Variants in ABI3BP observed in about 807,000 individuals in gnomAD.
The protein encoded by ABI3BP is target of Nesh-SH3.
Under a neutral mutation model 268.6 loss-of-function variants are expected in ABI3BP, and 216 were observed. That is an observed-to-expected ratio of 0.80 (90% CI 0.72 to 0.90). The LOEUF (loss-of-function observed/expected upper bound fraction) is 0.90, where lower values mean the gene tolerates loss of function less well. ABI3BP is among the 40% of genes least tolerant of loss of function. The pLI, the probability that ABI3BP is intolerant of heterozygous loss-of-function variation, is 0.00. For synonymous variants in ABI3BP, 730 were observed against 730.0 expected, an observed-to-expected ratio of 1.00 and a Z score of 0.00; for missense variants, 2,090 against 2,182.4, an observed-to-expected ratio of 0.96 and a Z score of 0.84.
At chr3:100,982,120 A>T (rs1407639724) in intron 1 of ABI3BP, among the ~76,000 whole-genome samples, 1 of 152,106 alleles carries the variant, frequency 6.6e-6, no homozygotes, top group Non-Finnish European at 1.5e-5. Flanking sequence ...AGGAAAAACT[A>T]CCATTTATAA....
intron 13 of ABI3BP, 141 bp downstream of exon 13, chr3:100,862,696 TA>T (rs563205486): frequency 2.4e-4 from 152 of 633,450 alleles, no homozygotes; most frequent in South Asian, 5.9e-4. Context: ...ATAGATTTAT[TA>T]AAAAAAAATC....
At chr3:100,931,680 C>G (rs190678706) in intron 1 of ABI3BP, among the ~76,000 whole-genome samples, 1 of 151,792 alleles carries the variant, frequency 6.6e-6, no homozygotes, top group South Asian at 2.1e-4. Context: ...ACAAGAATTA[C>G]GAAACACTGC....
At chr3:100,843,343 C>T (rs146955580) in intron 20 of ABI3BP, among the ~76,000 whole-genome samples, 3 of 151,840 alleles carry the variant, frequency 2.0e-5, no homozygotes, top group African/African-American at 7.3e-5. Flanking sequence ...AACAGATGAA[C>T]GGCAAAAGCA....
At chr3:100,932,244 A>C (rs9826284) in intron 1 of ABI3BP, among the ~76,000 whole-genome samples, 19,679 of 152,052 alleles carry the variant, frequency 0.13, 1,455 homozygotes, top group Middle Eastern at 0.19. Flanking sequence ...TAAAACTATA[A>C]AAACCTCAGA....
intron 36 of ABI3BP, 123 bp from the exon 37 acceptor site, chr3:100,823,637 C>G: frequency 2.8e-6 from 2 of 711,988 alleles, no homozygotes; most frequent in African/African-American, 1.8e-5. Flanking sequence ...AAATTAACTT[C>G]TTAACTGAAG....
chr3:100,914,867 C>T (rs1328168788), intron 2 of ABI3BP, among the ~76,000 whole-genome samples: 1 of 152,122 alleles, frequency 6.6e-6, no homozygotes, highest in African/African-American at 2.4e-5. Flanking sequence ...TAAAGACAGT[C>T]CTTTGAGGAA....
rs73861215 is a variant in ABI3BP at position 100,798,943 on chromosome 3, C to A, written c.3758-2475G>T. Among the ~76,000 whole-genome samples, 319 of 152,198 alleles carry A rather than the reference C, an allele frequency of 2.1e-3. 1 individual carries two copies. The highest frequency in any genetic ancestry group is 7.2e-3 in the African/African-American group (299 of 41,518). On this transcript the variant is annotated intron_variant, in intron 51 of 67. Coordinates refer to ENST00000471714, the MANE Select transcript of ABI3BP (RefSeq NM_001375547.2). ...TCCAGTCTGAGTCTGAGAGGAAGCC[C>A]CGTTGGAGGCTACCTGCTGGCTTTC...
rs1002927922 is a variant in ABI3BP at position 100,993,390 on chromosome 3, A to G, written c.-6T>C. 9.0e-6 allele frequency: 14 copies of G among 1,552,200 alleles called. No homozygotes were observed. The highest frequency in any genetic ancestry group is 1.1e-5 in the Non-Finnish European group (13 of 1,147,242). Reference sequence around the variant, plus strand: ...CACCCCAAACTGGAGAGCATGTTGCATTTGCCACCTCGCATGGGGAATGAT... The same window carrying G: ...CACCCCAAACTGGAGAGCATGTTGCGTTTGCCACCTCGCATGGGGAATGAT... On this transcript the variant is annotated 5_prime_UTR_variant, in exon 1 of 68. It removes an upstream start codon present in the reference 5' UTR. Transcript: ENST00000471714.
At position 100,750,399 on chromosome 3, in the gene ABI3BP, T is replaced by C. The variant is rs1340266645; in HGVS notation, c.*96A>G. 3.3e-6 allele frequency: 3 copies of C among 901,304 alleles called. No homozygotes were observed. The highest frequency in any genetic ancestry group is 5.2e-6 in the Non-Finnish European group (3 of 577,032). The allele number at this position is 901,304 out of a possible 1,614,324, so 55.8% of individuals were successfully genotyped here. A position where few individuals can be genotyped will look rare whatever the true frequency, so the allele number is the denominator to read the frequency against. Reference sequence around the variant, plus strand: ...CTATTAATTAGATTGTAGACTTTTATACATAGTAAACAAAATAGCTTTAAA... The same window carrying C: ...CTATTAATTAGATTGTAGACTTTTACACATAGTAAACAAAATAGCTTTAAA... On this transcript the variant is annotated 3_prime_UTR_variant, in exon 68 of 68. Transcript: ENST00000471714.
chr3:100,817,570 A>G lies in ABI3BP; in HGVS notation c.3089-75T>C. On this transcript the variant is annotated intron_variant, in intron 41 of 67. Transcript: ENST00000471714. The stretch of plus-strand genomic sequence containing the variant: ...TTTCACAGTTCAATTTTTAAGCTTC[A>G]GAACTTAAAAGTAAGGCTTGTTTTT... The G allele has an allele frequency of 1.1e-5, 12 of 1,137,532 alleles. 1 individual carries two copies. The South Asian group carries it at 2.1e-4, about 20-fold the overall frequency. The allele number at this position is 1,137,532 out of a possible 1,614,324, so 70.5% of individuals were successfully genotyped here.
Position 100,886,302 on chromosome 3 carries a change from T to A in ABI3BP, c.483A>T (p.Arg161=). The A allele has an allele frequency of 6.2e-7, 1 of 1,601,608 alleles. No homozygotes were observed. Among genetic ancestry groups the A allele is most frequent in the Non-Finnish European group, 8.5e-7 (1 of 1,173,756 alleles). The change falls in exon 5 of 68, where the codon CGA becomes CGT. Residue 161 remains arginine (R), a synonymous_variant. Coordinates refer to ENST00000471714, the MANE Select transcript of ABI3BP (RefSeq NM_001375547.2). ...TCCACTTCTTTTCTTTATCCTTTTC[T>A]CGATAGCGAATTGTATAAAATCTGT... is the stretch of plus-strand genomic sequence containing the variant. ...PNDRFYTIRY[R]EKDKEKKWIF... is the part of the protein sequence containing the mutation.
At chr3:100,840,759 A>T (rs954675711) in intron 22 of ABI3BP, 61 bp downstream of exon 22, 3 of 1,381,194 alleles carry the variant, frequency 2.2e-6, no homozygotes, top group Non-Finnish European at 3.0e-6. Flanking sequence ...GAGTCTGTCA[A>T]CACAGATACC....
chr3:100,968,224 C>T (rs890939438), intron 1 of ABI3BP, among the ~76,000 whole-genome samples: 1 of 152,104 alleles, frequency 6.6e-6, no homozygotes, highest in Non-Finnish European at 1.5e-5. Flanking sequence ...CTGAATGATC[C>T]ATTTCAGAAA....
chr3:100,753,968 C>A, intron 64 of ABI3BP, 120 bp from the exon 65 acceptor site: 3 of 1,018,652 alleles, frequency 2.9e-6, no homozygotes, highest in Non-Finnish European at 4.5e-6. Context: ...AAATGGTACT[C>A]TTTTGCTAAG....
chr3:100,918,223 C>T (rs1583333198), intron 2 of ABI3BP, among the ~76,000 whole-genome samples: 1 of 151,938 alleles, frequency 6.6e-6, no homozygotes, highest in South Asian at 2.1e-4. Context: ...ATCGTACCCA[C>T]AGCTGTTTCA....
At chr3:100,941,442 G>A (rs1314576665) in intron 1 of ABI3BP, among the ~76,000 whole-genome samples, 3 of 152,180 alleles carry the variant, frequency 2.0e-5, no homozygotes, top group Non-Finnish European at 2.9e-5. Context: ...CCCAGAAGAC[G>A]GTTACTTTCG....
Position 100,751,684 on chromosome 3 carries a change from C to G in ABI3BP, c.5123-10G>C, listed in dbSNP as rs768183475. ...ATGTTATAAAATTTTCCTGAAGAAC[C>G]AGAAATTAAAAGGATAAAGTTTACT... is the stretch of plus-strand genomic sequence containing the variant. On this transcript the variant is annotated splice_polypyrimidine_tract_variant and intron_variant, in intron 66 of 67. Coordinates refer to ENST00000471714, the MANE Select transcript of ABI3BP (RefSeq NM_001375547.2). 3.8e-6 allele frequency: 6 copies of G among 1,580,716 alleles called. No individual in the cohort carries two copies. In the South Asian group the frequency reaches 7.1e-5, roughly 19 times the overall value.
At chr3:100,889,194 T>C (rs2043337614) in intron 4 of ABI3BP, among the ~76,000 whole-genome samples, 1 of 152,138 alleles carries the variant, frequency 6.6e-6, no homozygotes, top group South Asian at 2.1e-4. Flanking sequence ...TTATGATTTT[T>C]ATTTACCTAT....
rs185903619 is a variant in ABI3BP at position 100,768,379 on chromosome 3, A to C, written c.4741+2364T>G. Reference sequence around the variant, plus strand: ...CTGGGATTACAGGCGTGAGCCACTGAGCCCGGCCTGGCTCAAGTTTTAAAA... The same window carrying C: ...CTGGGATTACAGGCGTGAGCCACTGCGCCCGGCCTGGCTCAAGTTTTAAAA... On this transcript the variant is annotated intron_variant, in intron 62 of 67. Coordinates refer to ENST00000471714, the MANE Select transcript of ABI3BP (RefSeq NM_001375547.2). Among the ~76,000 whole-genome samples the C allele has an allele frequency of 3.4e-3, 520 of 152,234 alleles. 5 individuals are homozygous for C. Among genetic ancestry groups the C allele is most frequent in the Non-Finnish European group, 5.0e-3 (340 of 68,010 alleles).
Sources: gnomAD v4.1 joint callset for allele counts (sites outside exome capture counted in the v4.1 genomes callset) on GRCh38, gnomAD v4.1.1 for gene constraint, MANE v1.5 for transcripts, NCBI Gene and HGNC (gene_info 2026-07-23, HGNC 2026-07-21) for gene names.